The following ASAP1 variants were observed in gnomAD, a reference collection of about 807,000 sequenced individuals.
ASAP1 encodes the protein arf-GAP with SH3 domain, ANK repeat and PH domain-containing protein 1.
A neutral mutation model predicts 145.2 loss-of-function variants in ASAP1; 43 were observed. The ratio of observed to expected loss-of-function variants is 0.30; its 90% CI spans 0.23 to 0.38. The LOEUF is 0.38. Among genes scored for constraint, ASAP1 ranks in the 10% least tolerant of loss-of-function variants. ASAP1 has a pLI of 1.00. For missense variants in ASAP1, 1,018 were observed against 1,355.3 expected, an observed-to-expected ratio of 0.75 and a Z score of 3.91; for synonymous variants, 546 against 515.5, an observed-to-expected ratio of 1.06 and a Z score of -0.80.
intron 1 of ASAP1, among the ~76,000 whole-genome samples, chr8:130,441,219 T>C (rs899357503): frequency 2.0e-5 from 3 of 152,218 alleles, no homozygotes; most frequent in Admixed American, 6.5e-5. Context: ...AATGTTTCAC[T>C]GGATGCATGA....
At position 130,118,366 on chromosome 8, in the gene ASAP1, T is replaced by C. The variant is rs1014690838; in HGVS notation, c.1795-120A>G. ...CACACCTCTTCACTCTCATATTCTC[T>C]TGATTTAGACATGGCCACCCAATGT... On this transcript the variant is annotated intron_variant, in intron 19 of 29. Transcript: ENST00000518721. The C allele has an allele frequency of 3.7e-6, 5 of 1,346,704 alleles. No homozygotes were observed. In the African/African-American group the frequency reaches 5.9e-5, roughly 16 times the overall value. The allele number at this position is 1,346,704 out of a possible 1,614,324, so 83.4% of individuals were successfully genotyped here. A position where few individuals can be genotyped will look rare whatever the true frequency, so the allele number is the denominator to read the frequency against.
chr8:130,176,163 C>T (rs184697787), intron 9 of ASAP1, among the ~76,000 whole-genome samples: 6 of 152,280 alleles, frequency 3.9e-5, no homozygotes, highest in East Asian at 1.9e-4. Context: ...TTCATCCACA[C>T]GGAAGTGTCG....
intron 3 of ASAP1, among the ~76,000 whole-genome samples, chr8:130,266,426 C>A (rs1488076010): frequency 2.0e-5 from 3 of 151,900 alleles, no homozygotes; most frequent in African/African-American, 7.3e-5. Flanking sequence ...ACTGTACTTG[C>A]CATTTTTCAG....
intron 3 of ASAP1, among the ~76,000 whole-genome samples, chr8:130,331,538 T>G (rs1824688898): frequency 6.6e-6 from 1 of 152,218 alleles, no homozygotes; most frequent in East Asian, 1.9e-4. Flanking sequence ...CCTTACTTCC[T>G]GCCTTCCTTA....
At chr8:130,304,247 T>C (rs865926441) in intron 3 of ASAP1, among the ~76,000 whole-genome samples, 3 of 151,946 alleles carry the variant, frequency 2.0e-5, no homozygotes, top group African/African-American at 4.8e-5. Context: ...GAACTGATTA[T>C]ATATTATTTT....
chr8:130,176,246 GAAGT>G (rs1813944295), intron 9 of ASAP1, among the ~76,000 whole-genome samples: 4 of 152,304 alleles, frequency 2.6e-5, no homozygotes, highest in Admixed American at 2.6e-4. Flanking sequence ...TTTGGGAACT[GAAGT>G]AAGTACTGAG....
chr8:130,240,845 T>G (rs1448328294), intron 3 of ASAP1, among the ~76,000 whole-genome samples: 1 of 152,160 alleles, frequency 6.6e-6, no homozygotes, highest in African/African-American at 2.4e-5. Context: ...CTAACAAGTT[T>G]TGTCATTTGA....
In ASAP1 at chr8:130,386,014, C is replaced by T. The variant is rs146381804; in HGVS notation, c.59+15871G>A. On this transcript the variant is annotated intron_variant, in intron 2 of 29. Transcript: ENST00000518721. Reference sequence around the variant, plus strand: ...ACAGTGACTGGTACAGGGCTGACCACGTGACCCAAGATAGACCAACGGGAA... The same window carrying T: ...ACAGTGACTGGTACAGGGCTGACCATGTGACCCAAGATAGACCAACGGGAA... Among the ~76,000 whole-genome samples, 13 of 152,294 alleles carry T rather than the reference C, an allele frequency of 8.5e-5. No individual in the cohort carries two copies. In the East Asian group the frequency reaches 2.3e-3, roughly 27 times the overall value.
intron 7 of ASAP1, among the ~76,000 whole-genome samples, chr8:130,181,223 TA>T (rs1405718560): frequency 2.6e-5 from 4 of 152,228 alleles, no homozygotes; most frequent in African/African-American, 9.6e-5. Flanking sequence ...CAATCAGAAG[TA>T]AAAGCCTACA....
chr8:130,309,853 T>G (rs1476421978), intron 3 of ASAP1, among the ~76,000 whole-genome samples: 2 of 152,142 alleles, frequency 1.3e-5, no homozygotes, highest in South Asian at 4.1e-4. Flanking sequence ...AATCAAAGAC[T>G]GACCAAGCAA....
intron 5 of ASAP1, among the ~76,000 whole-genome samples, chr8:130,210,284 GT>G (rs74313933): frequency 0.11 from 16,110 of 152,140 alleles, 990 homozygotes; most frequent in South Asian, 0.28. Flanking sequence ...CCCTTCTAAT[GT>G]TTTTTGGTTT....
chr8:130,100,693 T>C (rs1564958590), intron 24 of ASAP1, among the ~76,000 whole-genome samples: 1 of 152,182 alleles, frequency 6.6e-6, no homozygotes, highest in Non-Finnish European at 1.5e-5. Context: ...ACATTATCAT[T>C]ATTATTTTGC....
At chr8:130,210,126 A>G (rs1435224341) in intron 5 of ASAP1, among the ~76,000 whole-genome samples, 2 of 152,154 alleles carry the variant, frequency 1.3e-5, no homozygotes, top group Admixed American at 6.6e-5. Flanking sequence ...TCTTTTCCCA[A>G]TACAGATCTG....
intron 3 of ASAP1, among the ~76,000 whole-genome samples, chr8:130,321,206 C>T (rs529703939): frequency 3.9e-5 from 6 of 152,206 alleles, no homozygotes; most frequent in African/African-American, 1.4e-4. Context: ...GAATAAGCCC[C>T]AGTGGCTACA....
chr8:130,061,651 T>C (rs2097419866), intron 27 of ASAP1, among the ~76,000 whole-genome samples: 1 of 152,238 alleles, frequency 6.6e-6, no homozygotes, highest in South Asian at 2.1e-4. Context: ...TTCTACTTTG[T>C]GCCCCTGTCT....
intron 2 of ASAP1, among the ~76,000 whole-genome samples, chr8:130,400,870 A>C (rs138191200): frequency 0.01 from 1,550 of 152,038 alleles, 15 homozygotes; most frequent in Admixed American, 0.021. Flanking sequence ...TTTACCCGTA[A>C]AATGAATGTA....
intron 1 of ASAP1, among the ~76,000 whole-genome samples, chr8:130,430,596 T>C (rs935243618): frequency 2.0e-5 from 3 of 152,044 alleles, no homozygotes; most frequent in African/African-American, 7.2e-5. Context: ...TCTGAAGTTT[T>C]AAGGAGATTT....
intron 1 of ASAP1, among the ~76,000 whole-genome samples, chr8:130,422,761 T>C (rs1042076892): frequency 4.6e-5 from 7 of 152,226 alleles, no homozygotes; most frequent in African/African-American, 9.6e-5. Flanking sequence ...CCTGGGTTCA[T>C]AGCAAGTTCT....
chr8:130,112,034 TGAGGATGGAGTCACAAGCCCTTC>T lies in ASAP1; in HGVS notation c.2401+37_2401+59del, dbSNP rs547296674. 185 of 1,486,126 alleles carry T rather than the reference TGAGGATGGAGTCACAAGCCCTTC, an allele frequency of 1.2e-4. 1 individual carries two copies. In the African/African-American group the frequency reaches 2.0e-3, roughly 16 times the overall value. 92.1% of individuals were successfully genotyped at this position (1,486,126 alleles called of 1,614,324 possible). A position where few individuals can be genotyped will look rare whatever the true frequency, so the allele number is the denominator to read the frequency against. On this transcript the variant is annotated intron_variant, in intron 24 of 29. Coordinates refer to ENST00000518721, the MANE Select transcript of ASAP1 (RefSeq NM_018482.4). The stretch of plus-strand genomic sequence containing the variant: ...TCAAAGCTGGCTAGACTATCAGCTC[TGAGGATGGAGTCACAAGCCCTTC>T]GAGGATGGAGTCACAAGCCCTTCTC...
Sources: gnomAD v4.1 joint callset for allele counts (sites outside exome capture counted in the v4.1 genomes callset) on GRCh38, gnomAD v4.1.1 for gene constraint, MANE v1.5 for transcripts, NCBI Gene and HGNC (gene_info 2026-07-23, HGNC 2026-07-21) for gene names.